Variants in CAMK1D observed in about 807,000 individuals in gnomAD.
The protein encoded by CAMK1D is calcium/calmodulin-dependent protein kinase type 1D.
Under a neutral mutation model 47.7 loss-of-function variants are expected in CAMK1D, and 9 were observed. The observed-to-expected ratio is 0.19, with a 90% CI of 0.11 to 0.33. The LOEUF is 0.33. Ranked by LOEUF, CAMK1D falls within the 10% of genes least tolerant of loss-of-function variation. CAMK1D has a pLI of 1.00. For synonymous variants in CAMK1D, 184 were observed against 184.9 expected, an observed-to-expected ratio of 0.99 and a Z score of 0.04; for missense variants, 291 against 488.7, an observed-to-expected ratio of 0.60 and a Z score of 3.81.
At chr10:12,524,483 G>A (rs2768455) in intron 1 of CAMK1D, among the ~76,000 whole-genome samples, 2,355 of 151,942 alleles carry the variant, frequency 0.015, 66 homozygotes, top group African/African-American at 0.053. Flanking sequence ...TGAGGCGGGC[G>A]GATCACGAGG....
intron 3 of CAMK1D, among the ~76,000 whole-genome samples, chr10:12,728,194 C>T (rs1834741649): frequency 6.6e-6 from 1 of 152,216 alleles, no homozygotes; most frequent in Non-Finnish European, 1.5e-5. Context: ...TCTGGAGTCA[C>T]TGCATTGCCC....
chr10:12,753,983 C>T lies in CAMK1D; in HGVS notation c.300-6965C>T, dbSNP rs1478723554. 9.2e-5 allele frequency among the ~76,000 whole-genome samples: 14 copies of T among 152,212 alleles called. No individual in the cohort carries two copies. The East Asian group carries it at 1.4e-3, about 15-fold the overall frequency. On this transcript the variant is annotated intron_variant, in intron 3 of 10. Coordinates refer to ENST00000619168, the MANE Select transcript of CAMK1D (RefSeq NM_153498.4). ...TTGGCTCACTGCATCCTCCACCTCC[C>T]GGGCTCAAGCGATTCTCCTGCCTCA...
At position 12,598,580 on chromosome 10, in the gene CAMK1D, A is replaced by G. The variant is rs146825889; in HGVS notation, c.224+45224A>G. Among the ~76,000 whole-genome samples the G allele has an allele frequency of 7.7e-4, 118 of 152,308 alleles. No individual in the cohort carries two copies. In the South Asian group the frequency reaches 0.018, roughly 23 times the overall value. ...TTCAGGACACCCCACTGAGAGATTT[A>G]AAAACCGTGGATGCTCTTTTCAGTC... On this transcript the variant is annotated intron_variant, in intron 2 of 10. Coordinates refer to ENST00000619168, the MANE Select transcript of CAMK1D (RefSeq NM_153498.4).
chr10:12,677,901 A>C (rs1221222988), intron 3 of CAMK1D, among the ~76,000 whole-genome samples: 1 of 152,176 alleles, frequency 6.6e-6, no homozygotes, highest in Non-Finnish European at 1.5e-5. Flanking sequence ...AAGCTAACTC[A>C]ATACCTCTGG....
At chr10:12,500,876 T>C (rs1834680889) in intron 1 of CAMK1D, among the ~76,000 whole-genome samples, 1 of 152,250 alleles carries the variant, frequency 6.6e-6, no homozygotes, top group Non-Finnish European at 1.5e-5. Flanking sequence ...ACTGTGCTGT[T>C]ATTAACTGCC....
chr10:12,528,922 T>G (rs1231912107), intron 1 of CAMK1D, among the ~76,000 whole-genome samples: 1 of 151,974 alleles, frequency 6.6e-6, no homozygotes, highest in African/African-American at 2.4e-5. Context: ...TCTTATTTTT[T>G]GTAGAGATAG....
At chr10:12,601,373 C>T (rs1316912044) in intron 2 of CAMK1D, among the ~76,000 whole-genome samples, 1 of 152,152 alleles carries the variant, frequency 6.6e-6, no homozygotes, top group African/African-American at 2.4e-5. Context: ...ATGACCTGAG[C>T]TCTCTAGTTC....
intron 1 of CAMK1D, among the ~76,000 whole-genome samples, chr10:12,504,248 A>ACACACACATC (rs905039434): frequency 6.6e-5 from 10 of 151,858 alleles, no homozygotes; most frequent in Non-Finnish European, 4.4e-5. Context: ...ACACACACAC[A>ACACACACATC]CATCTAGGAG....
At chr10:12,733,034 T>C (rs1002021811) in intron 3 of CAMK1D, among the ~76,000 whole-genome samples, 4 of 152,238 alleles carry the variant, frequency 2.6e-5, no homozygotes, top group African/African-American at 9.6e-5. Flanking sequence ...CTTCCCAGCA[T>C]ATAGCAATTA....
intron 4 of CAMK1D, among the ~76,000 whole-genome samples, chr10:12,761,303 C>A (rs979772079): frequency 6.6e-6 from 1 of 152,170 alleles, no homozygotes; most frequent in African/African-American, 2.4e-5. Flanking sequence ...GGCCACTGTT[C>A]ATGAGATTTT....
intron 1 of CAMK1D, among the ~76,000 whole-genome samples, chr10:12,350,724 T>G (rs1030379672): frequency 1.8e-4 from 27 of 152,350 alleles, no homozygotes; most frequent in African/African-American, 6.5e-4. Context: ...GTTTGTTTTG[T>G]TTCGGAGCGG....
At chr10:12,801,857 A>T (rs1838497987) in intron 6 of CAMK1D, among the ~76,000 whole-genome samples, 1 of 152,214 alleles carries the variant, frequency 6.6e-6, no homozygotes, top group South Asian at 2.1e-4. Flanking sequence ...CACTGAATAA[A>T]CTGGACTCAG....
intron 1 of CAMK1D, among the ~76,000 whole-genome samples, chr10:12,545,935 C>T (rs543188581): frequency 4.6e-5 from 7 of 152,264 alleles, no homozygotes; most frequent in African/African-American, 1.7e-4. Context: ...GTTTTGGAAA[C>T]TAGCTGTTCA....
chr10:12,429,610 G>A (rs1449413445), intron 1 of CAMK1D, among the ~76,000 whole-genome samples: 1 of 152,152 alleles, frequency 6.6e-6, no homozygotes, highest in African/African-American at 2.4e-5. Flanking sequence ...AAAGTGCTGG[G>A]ATTACAGGCG....
chr10:12,681,432 C>G (rs887387108), intron 3 of CAMK1D, among the ~76,000 whole-genome samples: 1 of 152,246 alleles, frequency 6.6e-6, no homozygotes, highest in Non-Finnish European at 1.5e-5. Context: ...AACACCTGAC[C>G]GCAGCGCAGC....
chr10:12,512,211 A>G (rs1378155314), intron 1 of CAMK1D, among the ~76,000 whole-genome samples: 1 of 152,224 alleles, frequency 6.6e-6, no homozygotes, highest in African/African-American at 2.4e-5. Flanking sequence ...TCATCAAAAC[A>G]TTTATAAAAC....
At chr10:12,539,466 A>G (rs776420150) in intron 1 of CAMK1D, among the ~76,000 whole-genome samples, 10 of 152,202 alleles carry the variant, frequency 6.6e-5, no homozygotes, top group Admixed American at 3.9e-4. Context: ...AATCATGAAC[A>G]TTCTGTCCCG....
chr10:12,389,323 T>C (rs1360270394), intron 1 of CAMK1D, among the ~76,000 whole-genome samples: 4 of 152,144 alleles, frequency 2.6e-5, no homozygotes, highest in Non-Finnish European at 4.4e-5. Flanking sequence ...TGCCCATTGC[T>C]CTTGGGACAG....
intron 2 of CAMK1D, among the ~76,000 whole-genome samples, chr10:12,580,499 T>C (rs774338492): frequency 1.3e-5 from 2 of 152,200 alleles, no homozygotes; most frequent in African/African-American, 2.4e-5. Context: ...TGGTTTCCGA[T>C]GAGAGTGAAA....
Sources: gnomAD v4.1 joint callset for allele counts (sites outside exome capture counted in the v4.1 genomes callset) on GRCh38, gnomAD v4.1.1 for gene constraint, MANE v1.5 for transcripts, NCBI Gene and HGNC (gene_info 2026-07-23, HGNC 2026-07-21) for gene names.